The following ATP10B variants were observed in gnomAD, a reference collection of about 807,000 sequenced individuals.
ATP10B encodes ATPase phospholipid transporting 10B (putative).
ATP10B carries 122 observed loss-of-function variants against 141.2 expected under a neutral mutation model. That is an observed-to-expected ratio of 0.86 (90% CI 0.75 to 1.00). The LOEUF (loss-of-function observed/expected upper bound fraction) is 1.00. Among genes scored for constraint, ATP10B ranks in the 50% least tolerant of loss-of-function variants. The pLI is 0.00. For missense variants in ATP10B, 1,876 were observed against 1,825.3 expected (o/e 1.03, Z -0.51); for synonymous variants, 685 against 692.0 (o/e 0.99, Z 0.16).
At chr5:160,927,314 C>A in the ATP10B span, among the ~76,000 whole-genome samples, 6 of 152,074 alleles carry the variant, frequency 3.9e-5, no homozygotes, top group African/African-American at 1.5e-4. Context: ...TGACAAGTAC[C>A]CCCACATCTT....
the ATP10B span, among the ~76,000 whole-genome samples, chr5:160,874,541 T>G: frequency 6.6e-6 from 1 of 152,080 alleles, no homozygotes; most frequent in African/African-American, 2.4e-5. Flanking sequence ...GGAGAATGAC[T>G]TTGACGAGCT....
intron 2 of ATP10B, among the ~76,000 whole-genome samples, chr5:160,728,058 T>C (rs140076610): frequency 6.6e-6 from 1 of 152,172 alleles, no homozygotes; most frequent in Non-Finnish European, 1.5e-5. Flanking sequence ...CAGTCAGCTC[T>C]CTACCTACCC....
chr5:160,856,903 A>G (rs1037290239), upstream of ATP10B, among the ~76,000 whole-genome samples: 8 of 151,762 alleles, frequency 5.3e-5, no homozygotes, highest in Admixed American at 6.6e-5. Context: ...CTAGCTTTGC[A>G]TACCTGAAAT....
At chr5:160,651,472 A>G (rs1054277208) in intron 7 of ATP10B, among the ~76,000 whole-genome samples, 1 of 152,062 alleles carries the variant, frequency 6.6e-6, no homozygotes, top group African/African-American at 2.4e-5. Flanking sequence ...TGGGGCTAAC[A>G]TCACCTGCCC....
chr5:160,566,974 T>A, intron 25 of ATP10B, among the ~76,000 whole-genome samples: 1 of 152,200 alleles, frequency 6.6e-6, no homozygotes, highest in East Asian at 1.9e-4. Context: ...GCAAGAGATT[T>A]CTGAAAATTA....
intron 16 of ATP10B, 106 bp from the exon 17 acceptor site, chr5:160,616,070 T>A: frequency 8.1e-7 from 1 of 1,234,122 alleles, no homozygotes; most frequent in Non-Finnish European, 1.1e-6. Flanking sequence ...TGAACTTCCC[T>A]ACATAATTAG....
intron 6 of ATP10B, chr5:160,685,319 T>G: frequency 3.5e-6 from 2 of 578,076 alleles, no homozygotes; most frequent in Non-Finnish European, 3.0e-6. Flanking sequence ...AGAAGGATAC[T>G]AAAAATGAAA....
At chr5:160,903,975 CT>C in the ATP10B span, among the ~76,000 whole-genome samples, 2 of 152,112 alleles carry the variant, frequency 1.3e-5, no homozygotes, top group East Asian at 3.9e-4. Flanking sequence ...TCATCCTCAC[CT>C]GACAGTTTCT....
At chr5:160,889,237 G>T in the ATP10B span, among the ~76,000 whole-genome samples, 1 of 152,170 alleles carries the variant, frequency 6.6e-6, no homozygotes, top group Non-Finnish European at 1.5e-5. Context: ...TTGAATAGAT[G>T]TTCCCCTTAC....
intron 18 of ATP10B, among the ~76,000 whole-genome samples, chr5:160,610,543 G>A (rs1420353517): frequency 6.6e-6 from 1 of 152,154 alleles, no homozygotes; most frequent in East Asian, 1.9e-4. Flanking sequence ...AGCTCCTAAG[G>A]TTTGGAGTAA....
chr5:160,856,709 A>T (rs1407170581), upstream of ATP10B, among the ~76,000 whole-genome samples: 5 of 151,798 alleles, frequency 3.3e-5, no homozygotes, highest in Admixed American at 2.0e-4. Context: ...ATTTGAGTTG[A>T]GGGAGTTCTC....
At chr5:160,595,823 C>T (rs1457105106) in intron 22 of ATP10B, among the ~76,000 whole-genome samples, 1 of 150,490 alleles carries the variant, frequency 6.6e-6, no homozygotes, top group South Asian at 2.1e-4. Context: ...ACACATACAC[C>T]CTCCCAATAC....
intron 1 of ATP10B, among the ~76,000 whole-genome samples, chr5:160,815,298 C>T (rs1010770422): frequency 1.3e-5 from 2 of 152,074 alleles, no homozygotes; most frequent in African/African-American, 4.8e-5. Context: ...AAAGATCTAC[C>T]AAGCAAATGG....
At chr5:160,888,055 G>A in the ATP10B span, among the ~76,000 whole-genome samples, 2 of 152,186 alleles carry the variant, frequency 1.3e-5, no homozygotes, top group African/African-American at 2.4e-5. Flanking sequence ...AAAGGCATAT[G>A]GACAAAGGAG....
intron 1 of ATP10B, among the ~76,000 whole-genome samples, chr5:160,800,532 T>C (rs1312198230): frequency 2.0e-5 from 3 of 152,242 alleles, no homozygotes; most frequent in African/African-American, 7.2e-5. Flanking sequence ...ACGTTAGCCA[T>C]TGTTAGGGTT....
the ATP10B span, among the ~76,000 whole-genome samples, chr5:160,881,665 A>G: frequency 6.6e-6 from 1 of 151,990 alleles, no homozygotes; most frequent in Non-Finnish European, 1.5e-5. Context: ...ATAAAAAATT[A>G]TCCGGGCGTG....
In ATP10B at chr5:160,715,410, G is replaced by A. The variant is rs1339657530; in HGVS notation, c.-205+1499C>T. On this transcript the variant is annotated intron_variant, in intron 3 of 25. Coordinates refer to ENST00000327245, the MANE Select transcript of ATP10B (RefSeq NM_025153.3). ...CGTCCGTCACCCCTTTCTTTGACTC[G>A]GAAAGGGAACTCCCTGACCCCTTGC... Among the ~76,000 whole-genome samples, 450 of 143,660 alleles carry A rather than the reference G, an allele frequency of 3.1e-3. 2 individuals are homozygous for A. Among genetic ancestry groups the A allele is most frequent in the African/African-American group, 0.011 (426 of 38,456 alleles). The allele number at this position is 143,660 out of a possible 152,430, so 94.2% of individuals were successfully genotyped here.
chr5:160,658,251 G>C (rs949938879), intron 7 of ATP10B, among the ~76,000 whole-genome samples: 2 of 152,180 alleles, frequency 1.3e-5, no homozygotes, highest in Non-Finnish European at 2.9e-5. Context: ...AGAGTGGCAA[G>C]AGCAAAGTCC....
intron 1 of ATP10B, among the ~76,000 whole-genome samples, chr5:160,817,901 C>A (rs565705009): frequency 9.9e-5 from 15 of 152,084 alleles, no homozygotes; most frequent in Admixed American, 9.8e-4. Context: ...AATGCAGAAA[C>A]GATTCCCTAT....
Sources: allele counts gnomAD v4.1 joint callset (sites outside exome capture counted in the v4.1 genomes callset), GRCh38; gene constraint gnomAD v4.1.1; transcripts MANE v1.5; gene names NCBI Gene and HGNC (gene_info 2026-07-23, HGNC 2026-07-21).